The following BRPF3 variants were observed in gnomAD, a reference collection of about 807,000 sequenced individuals.
BRPF3 encodes the protein bromodomain and PHD finger containing 3.
Under a neutral mutation model 102.0 loss-of-function variants are expected in BRPF3, and 18 were observed. The ratio of observed to expected loss-of-function variants is 0.18; its 90% CI spans 0.12 to 0.26. The LOEUF is 0.26. Ranked by LOEUF, BRPF3 falls within the 10% of genes least tolerant of loss-of-function variation. The pLI is 1.00. For synonymous variants in BRPF3, 570 were observed against 614.2 expected (o/e 0.93, Z 1.06); for missense variants, 1,147 against 1,567.8 (o/e 0.73, Z 4.53).
Position 36,204,597 on chromosome 6 carries a change from C to T in BRPF3, c.1449-61C>T, listed in dbSNP as rs2245972. The T allele has an allele frequency of 7.5e-3, 11,996 of 1,591,626 alleles. 197 individuals carry two copies. The highest frequency in any genetic ancestry group is 0.054 in the East Asian group (2,419 of 44,760). ...ATGAACCAGGTCTGGATAGGATGCA[C>T]AGGCTGTAATCTGGGCTGCCCACTG... is the stretch of plus-strand genomic sequence containing the variant. On this transcript the variant is annotated intron_variant, in intron 2 of 12. Coordinates refer to ENST00000357641, the MANE Select transcript of BRPF3 (RefSeq NM_015695.3).
intron 10 of BRPF3, 101 bp downstream of exon 10, chr6:36,222,366 C>T: frequency 9.2e-7 from 1 of 1,081,290 alleles, no homozygotes; most frequent in East Asian, 2.6e-5. Context: ...GGCAGCCAGT[C>T]CTTGAGCTCC....
intron 1 of BRPF3, among the ~76,000 whole-genome samples, chr6:36,199,196 C>T (rs1581937060): frequency 6.6e-6 from 1 of 152,334 alleles, no homozygotes; most frequent in South Asian, 2.1e-4. Flanking sequence ...ACCACCTGAG[C>T]TCTGCCTCCT....
chr6:36,212,572 G>GAAA (rs1013260246), intron 7 of BRPF3, among the ~76,000 whole-genome samples: 3 of 44,960 alleles, frequency 6.7e-5, no homozygotes, highest in African/African-American at 1.5e-4. Context: ...GCATCACCTA[G>GAAA]AAAAAAAAAA....
chr6:36,205,941 T>G (rs1023920245), intron 3 of BRPF3, among the ~76,000 whole-genome samples: 1 of 152,210 alleles, frequency 6.6e-6, no homozygotes, highest in African/African-American at 2.4e-5. Context: ...TCAGTAAACT[T>G]ATTTCCCCAT....
Position 36,230,464 on chromosome 6 carries a change from T to C in BRPF3, c.3473T>C (p.Val1158Ala), listed in dbSNP as rs1475563492. 1.2e-6 allele frequency: 2 copies of C among 1,614,138 alleles called. No homozygotes were observed. Among genetic ancestry groups the C allele is most frequent in the Admixed American group, 3.3e-5 (2 of 60,026 alleles). Reference sequence around the variant, plus strand: ...AGGGACAAAGTCCTGCCCTTGGGTGTGGAAGACACCGTGGACAAGCTCAAG... The same window carrying C: ...AGGGACAAAGTCCTGCCCTTGGGTGCGGAAGACACCGTGGACAAGCTCAAG... ...LPRDKVLPLG[V>A]EDTVDKLKML... The change falls in exon 13 of 13, where the codon GTG becomes GCG. Residue 1158 changes from valine (V) to alanine (A), a missense_variant. Around this residue, in one of 11 missense-constraint regions of BRPF3, gnomAD observed 85 missense variants for 172.9 expected, o/e 0.49. Transcript: ENST00000357641. The surrounding 1 kb of genome is among the most constrained non-coding windows in gnomAD (Gnocchi z 5.4).
rs1233322588 is a variant in BRPF3, at chr6:36,230,661, A to G, written c.*52A>G. The G allele has an allele frequency of 1.9e-6, 3 of 1,574,252 alleles. No homozygotes were observed. Among genetic ancestry groups the G allele is most frequent in the African/African-American group, 2.7e-5 (2 of 73,922 alleles). ...GCCCTGCCTCCATCCCGCAGGGCACAGAGAAGCCTCTTCTGCCCCTGCCAG... is the reference window on the plus strand; with the variant it reads ...GCCCTGCCTCCATCCCGCAGGGCACGGAGAAGCCTCTTCTGCCCCTGCCAG... On this transcript the variant is annotated 3_prime_UTR_variant, in exon 13 of 13. Transcript: ENST00000357641. This position sits in a 1 kb window ranked among gnomAD's most constrained non-coding sequence, Gnocchi z 5.4.
Position 36,207,456 on chromosome 6 carries a change from C to T in BRPF3, c.1737+12C>T, listed in dbSNP as rs1165932638. 2 of 1,612,826 alleles carry T rather than the reference C, an allele frequency of 1.2e-6. No homozygotes were observed. Among genetic ancestry groups the T allele is most frequent in the South Asian group, 2.2e-5 (2 of 90,960 alleles). ...TCAAACGAGAGCAGGTAAGGAGGAG[C>T]CCCCAGCCCTAGGGCCCTAGTTCAA... On this transcript the variant is annotated intron_variant, in intron 4 of 12. Coordinates refer to ENST00000357641, the MANE Select transcript of BRPF3 (RefSeq NM_015695.3).
chr6:36,211,647 C>T, intron 7 of BRPF3, 87 bp downstream of exon 7: 2 of 1,456,908 alleles, frequency 1.4e-6, no homozygotes, highest in Non-Finnish European at 1.8e-6. Flanking sequence ...GGTATTCTTT[C>T]TGAGTTTAGA....
chr6:36,220,021 A>T (rs1581981470), intron 9 of BRPF3, among the ~76,000 whole-genome samples: 1 of 152,234 alleles, frequency 6.6e-6, no homozygotes, highest in Admixed American at 6.5e-5. Context: ...GCCTGTTCTC[A>T]TGAAGATTAT....
chr6:36,221,168 C>T, intron 9 of BRPF3, among the ~76,000 whole-genome samples: 1 of 151,760 alleles, frequency 6.6e-6, no homozygotes, highest in East Asian at 1.9e-4. Context: ...GGGTGGGCTT[C>T]AGTTGCAACA....
intron 8 of BRPF3, 26 bp from the exon 9 acceptor site, chr6:36,217,891 A>T: frequency 6.2e-7 from 1 of 1,606,184 alleles, no homozygotes; most frequent in Non-Finnish European, 8.5e-7. Context: ...TTCTGCACTC[A>T]GACTCACTGT....
Position 36,209,881 on chromosome 6 carries a change from C to T in BRPF3, c.1832C>T (p.Ala611Val). ...TLDLLQEKDP[A>V]HIFAEPVNLS... The stretch of plus-strand genomic sequence containing the variant: ...GACCTGCTGCAGGAGAAGGATCCTG[C>T]ACACATCTTCGCAGAACCAGTCAAC... The change falls in exon 5 of 13, where the codon GCA (alanine) becomes GTA (valine). Residue 611 changes from alanine to valine, a missense_variant. Transcript: ENST00000357641. The T allele has an allele frequency of 1.2e-6, 2 of 1,614,188 alleles. No individual in the cohort carries two copies. Among genetic ancestry groups the T allele is most frequent in the Non-Finnish European group, 1.7e-6 (2 of 1,180,024 alleles).
rs755097348 is a variant in BRPF3 at position 36,226,229 on chromosome 6, G to T, written c.3279+865G>T. 3.8e-4 allele frequency among the ~76,000 whole-genome samples: 58 copies of T among 152,304 alleles called. 1 individual carries two copies. The highest frequency in any genetic ancestry group is 6.8e-3 in the Middle Eastern group (2 of 294). ...AGTCCCTTCTTGGGGCAAAGTCTATGCAGAATTCTGATACAAGTTGCCAAG... is the reference window on the plus strand; with the variant it reads ...AGTCCCTTCTTGGGGCAAAGTCTATTCAGAATTCTGATACAAGTTGCCAAG... On this transcript the variant is annotated intron_variant, in intron 11 of 12. Transcript: ENST00000357641.
rs754736163 is a variant in BRPF3 at position 36,230,093 on chromosome 6, C to T, written c.3435-333C>T. On this transcript the variant is annotated intron_variant, in intron 12 of 12. Coordinates refer to ENST00000357641, the MANE Select transcript of BRPF3 (RefSeq NM_015695.3). This position sits in a 1 kb window ranked among gnomAD's most constrained non-coding sequence, Gnocchi z 5.4. ...CCAACGCAAGGCGAGGCTCAGAGCCCTCCAGGGTGGCTCAGCTGGCCCCAG... is the reference window on the plus strand; with the variant it reads ...CCAACGCAAGGCGAGGCTCAGAGCCTTCCAGGGTGGCTCAGCTGGCCCCAG... Among the ~76,000 whole-genome samples, 79 of 152,200 alleles carry T rather than the reference C, an allele frequency of 5.2e-4. No individual in the cohort carries two copies. The highest frequency in any genetic ancestry group is 2.4e-3 in the Admixed American group (36 of 15,290).
rs769524590 is a variant in BRPF3 at position 36,225,285 on chromosome 6, C to T, written c.3200C>T (p.Pro1067Leu). 6.2e-7 allele frequency: 1 copy of T among 1,609,210 alleles called. No individual in the cohort carries two copies. The highest frequency in any genetic ancestry group is 1.1e-5 in the South Asian group (1 of 91,088). ...CCCCCAGGCAGAAGCCTCCTGCTGC[C>T]CTTTGAAGACCGCGGAGACCTGGAG... ...YNGSGRSLLL[P>L]FEDRGDLEPL... The change falls in exon 11 of 13, where the codon CCC (proline) becomes CTC (leucine). Residue 1067 changes from proline to leucine, a missense_variant. Pro to Leu is a moderately conservative substitution (Grantham distance 98). Coordinates refer to ENST00000357641, the MANE Select transcript of BRPF3 (RefSeq NM_015695.3).
Position 36,200,413 on chromosome 6 carries a change from A to G in BRPF3, c.91A>G (p.Thr31Ala), listed in dbSNP as rs544416359. The change falls in exon 2 of 13, where the codon ACC becomes GCC. Residue 31 changes from threonine (T) to alanine (A), a missense_variant. By Grantham distance (58) the Thr-to-Ala change is moderately conservative. Transcript: ENST00000357641. The surrounding 1 kb of genome is among the most constrained non-coding windows in gnomAD (Gnocchi z 5.3). Reference protein sequence around the residue: ...YSLKCSPTRETLTYAQAQRIV... With the variant: ...YSLKCSPTREALTYAQAQRIV... ...TCTCAAGTGCTCACCCACCCGGGAGACCCTGACATATGCCCAGGCCCAGCG... is the reference window on the plus strand; with the variant it reads ...TCTCAAGTGCTCACCCACCCGGGAGGCCCTGACATATGCCCAGGCCCAGCG... The G allele has an allele frequency of 1.2e-6, 2 of 1,614,200 alleles. No homozygotes were observed. Among genetic ancestry groups the G allele is most frequent in the African/African-American group, 2.7e-5 (2 of 75,048 alleles).
chr6:36,225,460 A>C (rs1388974233), intron 11 of BRPF3, 96 bp downstream of exon 11: 5 of 1,131,416 alleles, frequency 4.4e-6, no homozygotes, highest in Non-Finnish European at 6.3e-6. Context: ...TGGGAGTCAG[A>C]GTGTCTTTAG....
rs751511841 is a variant in BRPF3 at position 36,211,369 on chromosome 6, G to A, written c.2291G>A (p.Arg764His). 7 of 1,614,208 alleles carry A rather than the reference G, an allele frequency of 4.3e-6. No individual in the cohort carries two copies. The highest frequency in any genetic ancestry group is 2.2e-5 in the East Asian group (1 of 44,880). The change falls in exon 7 of 13, where the codon CGC (arginine) becomes CAC (histidine). Residue 764 changes from arginine to histidine, a missense_variant. By Grantham distance (29) the Arg-to-His change is conservative. Around this residue, in one of 11 missense-constraint regions of BRPF3, gnomAD observed 379 missense variants for 426.3 expected, o/e 0.89. Transcript: ENST00000357641. ...AGCGCCATGCGGTCCAGTGGGGCCC[G>A]CACCCGTCGTGTCCGCCTGCTACGC... The part of the protein sequence containing the change: ...LVSAMRSSGA[R>H]TRRVRLLRRE...
chr6:36,214,232 C>T lies in BRPF3; in HGVS notation c.2835C>T (p.Asp945=). The T allele has an allele frequency of 1.2e-6, 2 of 1,614,210 alleles. No individual in the cohort carries two copies. The highest frequency in any genetic ancestry group is 1.7e-6 in the Non-Finnish European group (2 of 1,180,022). ...KNGVKLQRSP[D]RVLENGEDHG... ...GGGTTAAGCTACAGAGAAGCCCAGA[C>T]AGGGTCCTGGAGAATGGCGAGGACC... is the stretch of plus-strand genomic sequence containing the variant. Residue 945 remains aspartate, a synonymous_variant, in exon 8 of 13, where the codon GAC becomes GAT. Coordinates refer to ENST00000357641, the MANE Select transcript of BRPF3 (RefSeq NM_015695.3).
Sources: allele counts gnomAD v4.1 joint callset (sites outside exome capture counted in the v4.1 genomes callset), GRCh38; gene constraint gnomAD v4.1.1; regional missense constraint gnomAD v4.1.1; non-coding constraint Gnocchi (gnomAD v3.1); transcripts MANE v1.5; gene names NCBI Gene and HGNC (gene_info 2026-07-23, HGNC 2026-07-21).